NFIL3: variants seen among roughly 807,000 people sequenced by gnomAD.
NFIL3 encodes nuclear factor, interleukin 3 regulated, also known as nuclear factor interleukin-3-regulated protein.
In NFIL3, 5 loss-of-function variants were observed where a neutral mutation model predicts 10.0. The ratio of observed to expected loss-of-function variants is 0.50; its 90% confidence interval spans 0.26 to 1.06. The LOEUF (loss-of-function observed/expected upper bound fraction) is 1.06. NFIL3 is among the 50% of genes least tolerant of loss of function. NFIL3 has a pLI of 0.13. For missense variants in NFIL3, 436 were observed against 547.6 expected (o/e 0.80, Z 2.03); for synonymous variants, 202 against 206.5 (o/e 0.98, Z 0.19).
Position 91,415,588 on chromosome 9 carries a change from C to T in NFIL3, c.-172-4682G>A, listed in dbSNP as rs535687587. Among the ~76,000 whole-genome samples the T allele has an allele frequency of 9.2e-5, 14 of 151,474 alleles. No homozygotes were observed. In the South Asian group the frequency reaches 1.7e-3, roughly 18 times the overall value. ...TACCCTTTTACTAAGTTACTTTGGGCGCAGTAAGGCACTATGCTAACTTAA... is the reference window on the plus strand; with the variant it reads ...TACCCTTTTACTAAGTTACTTTGGGTGCAGTAAGGCACTATGCTAACTTAA... On this transcript the variant is annotated intron_variant, in intron 1 of 1. Transcript: ENST00000297689.
the NFIL3 span, among the ~76,000 whole-genome samples, chr9:91,465,348 T>C: frequency 2.0e-5 from 3 of 152,182 alleles, no homozygotes; most frequent in African/African-American, 7.2e-5. Context: ...TAAACCTCAA[T>C]GATTCTGTCT....
upstream of NFIL3, among the ~76,000 whole-genome samples, chr9:91,424,438 G>T (rs1367248085): frequency 2.0e-5 from 3 of 152,176 alleles, no homozygotes; most frequent in Non-Finnish European, 4.4e-5. Flanking sequence ...AAGGCGGGGG[G>T]TGGCGGCTGG....
chr9:91,436,382 TC>T, the NFIL3 span, among the ~76,000 whole-genome samples: 3 of 152,040 alleles, frequency 2.0e-5, no homozygotes, highest in Non-Finnish European at 4.4e-5. Flanking sequence ...ATAGAGACCA[TC>T]CCGGCTAACA....
chr9:91,472,021 G>T, the NFIL3 span, among the ~76,000 whole-genome samples: 1 of 152,188 alleles, frequency 6.6e-6, no homozygotes, highest in South Asian at 2.1e-4. Flanking sequence ...TAAGAATGTT[G>T]AATATTGGCC....
the NFIL3 span, among the ~76,000 whole-genome samples, chr9:91,446,812 C>CTCTT: frequency 6.6e-6 from 1 of 150,826 alleles, no homozygotes; most frequent in African/African-American, 2.4e-5. Context: ...CTCTCTCTCT[C>CTCTT]TCTTTCTTTC....
At chr9:91,427,320 G>A (rs12684235), upstream of NFIL3, among the ~76,000 whole-genome samples, 8,857 of 152,258 alleles carry the variant, frequency 0.058, 326 homozygotes, top group Middle Eastern at 0.14. Context: ...GGGAACAGGG[G>A]GTGGAGACGG....
chr9:91,465,875 A>G, the NFIL3 span, among the ~76,000 whole-genome samples: 1 of 152,054 alleles, frequency 6.6e-6, no homozygotes, highest in African/African-American at 2.4e-5. Flanking sequence ...TTAACCTTTC[A>G]TAAGTACTTT....
intron 1 of NFIL3, among the ~76,000 whole-genome samples, chr9:91,420,361 A>T (rs941266941): frequency 2.7e-5 from 4 of 146,452 alleles, no homozygotes; most frequent in Non-Finnish European, 1.5e-5. Flanking sequence ...ATACACACAC[A>T]CACACACACA....
the NFIL3 span, among the ~76,000 whole-genome samples, chr9:91,440,884 G>T: frequency 6.6e-6 from 1 of 152,020 alleles, no homozygotes; most frequent in Non-Finnish European, 1.5e-5. Context: ...TATGATTTTA[G>T]TTTTTTAAAA....
intron 1 of NFIL3, among the ~76,000 whole-genome samples, chr9:91,421,270 C>CTGGCTCCCTGGCTCCA: frequency 6.6e-6 from 1 of 151,772 alleles, no homozygotes; most frequent in Non-Finnish European, 1.5e-5. Context: ...CCCTGGCTCC[C>CTGGCTCCCTGGCTCCA]GCGGCCCGGG....
chr9:91,445,639 A>C, the NFIL3 span, among the ~76,000 whole-genome samples: 1 of 152,090 alleles, frequency 6.6e-6, no homozygotes, highest in African/African-American at 2.4e-5. Flanking sequence ...GGGGTGCAGC[A>C]TTGGCTTGGG....
chr9:91,452,120 C>T, the NFIL3 span, among the ~76,000 whole-genome samples: 1 of 152,190 alleles, frequency 6.6e-6, no homozygotes, highest in Non-Finnish European at 1.5e-5. Flanking sequence ...ATTACACCCT[C>T]CTCCCTTTTG....
the NFIL3 span, among the ~76,000 whole-genome samples, chr9:91,461,490 T>C: frequency 8.5e-5 from 13 of 152,132 alleles, no homozygotes; most frequent in South Asian, 4.1e-4. Context: ...ACAACAGAAA[T>C]GTATTCACTC....
intron 1 of NFIL3, among the ~76,000 whole-genome samples, chr9:91,418,875 C>T (rs2118012684): frequency 6.7e-6 from 1 of 149,398 alleles, no homozygotes; most frequent in Non-Finnish European, 1.5e-5. Context: ...TTTTTAACTA[C>T]AGTAAAGTTA....
chr9:91,423,531 G>C (rs1431656617), intron 1 of NFIL3, 109 bp downstream of exon 1: 1 of 150,826 alleles, frequency 6.6e-6, no homozygotes, highest in African/African-American at 2.4e-5. Flanking sequence ...CCAGCTTACA[G>C]CCCGACCCCG....
Position 91,409,793 on chromosome 9 carries a change from T to C in NFIL3, c.942A>G (p.Lys314=), listed in dbSNP as rs1833505928. 1 of 1,614,084 alleles carries C rather than the reference T, an allele frequency of 6.2e-7. No individual in the cohort carries two copies. The highest frequency in any genetic ancestry group is 1.1e-5 in the South Asian group (1 of 91,088). ...ELKHVHATVV[K]VPEVNSSALP... ...AGGCAGAGGAATTCACTTCTGGAAC[T>C]TTAACCACAGTTGCATGCACATGCT... Residue 314 remains lysine (K), a synonymous_variant, in exon 2 of 2, where the codon AAA becomes AAG. Transcript: ENST00000297689.
the NFIL3 span, among the ~76,000 whole-genome samples, chr9:91,454,127 A>C: frequency 1.3e-5 from 2 of 151,146 alleles, no homozygotes; most frequent in African/African-American, 2.4e-5. Context: ...CCAGCTACTC[A>C]GGTGGCTGAG....
chr9:91,479,122 T>A, the NFIL3 span, among the ~76,000 whole-genome samples: 4 of 152,004 alleles, frequency 2.6e-5, no homozygotes, highest in East Asian at 7.7e-4. Context: ...GGCACAGGGG[T>A]CAGGGGCCCA....
the NFIL3 span, among the ~76,000 whole-genome samples, chr9:91,441,204 A>C: frequency 2.0e-5 from 3 of 152,110 alleles, no homozygotes; most frequent in African/African-American, 7.2e-5. Flanking sequence ...GTGCATATAT[A>C]TTGATAATTG....
Sources: gnomAD v4.1 joint callset for allele counts (sites outside exome capture counted in the v4.1 genomes callset) on GRCh38, gnomAD v4.1.1 for gene constraint, MANE v1.5 for transcripts, NCBI Gene and HGNC (gene_info 2026-07-23, HGNC 2026-07-21) for gene names.